Variants in GPC5 observed in about 807,000 individuals in gnomAD.
The protein encoded by GPC5 is glypican 5, also known as glypican-5.
GPC5 carries 47 observed loss-of-function variants against 53.9 expected under a neutral mutation model. The observed-to-expected ratio is 0.87, with a 90% CI of 0.69 to 1.11. The LOEUF (loss-of-function observed/expected upper bound fraction) is 1.11. Ranked by LOEUF, GPC5 falls within the 50% of genes most tolerant of loss-of-function variation. The probability of loss-of-function intolerance (pLI) is 0.00; values close to 1 mark genes in which losing one functional copy is unlikely to be tolerated. For synonymous variants in GPC5, 286 were observed against 263.3 expected (o/e 1.09, Z -0.84); for missense variants, 748 against 713.1 (o/e 1.05, Z -0.56).
At chr13:92,691,425 C>G (rs573314077) in intron 7 of GPC5, among the ~76,000 whole-genome samples, 1 of 145,784 alleles carries the variant, frequency 6.9e-6, no homozygotes, top group African/African-American at 2.6e-5. Flanking sequence ...TGCTTCGGCT[C>G]GCGCACGGTG....
intron 5 of GPC5, among the ~76,000 whole-genome samples, chr13:91,756,621 C>A (rs2037299007): frequency 6.6e-6 from 1 of 151,394 alleles, no homozygotes; most frequent in African/African-American, 2.4e-5. Context: ...TAATAGCATT[C>A]TGTGGTATTT....
chr13:92,066,433 G>GAA (rs773012733), intron 6 of GPC5, among the ~76,000 whole-genome samples: 6 of 116,528 alleles, frequency 5.1e-5, no homozygotes, highest in Admixed American at 1.8e-4. Flanking sequence ...GAACAAACCT[G>GAA]AAAAAAAAAA....
In GPC5 at chr13:92,146,987, A is replaced by G. The variant is rs567137325; in HGVS notation, c.1561+1998A>G. On this transcript the variant is annotated intron_variant, in intron 7 of 7. Transcript: ENST00000377067. ...TTGAAAGTGGAATAACTCTTAGGGCATAATGGATATAAATTGTATATTGAT... is the reference window on the plus strand; with the variant it reads ...TTGAAAGTGGAATAACTCTTAGGGCGTAATGGATATAAATTGTATATTGAT... Among the ~76,000 whole-genome samples the G allele has an allele frequency of 3.9e-5, 6 of 152,228 alleles. No individual in the cohort carries two copies. In the South Asian group the frequency reaches 1.2e-3, roughly 32 times the overall value.
chr13:91,956,268 T>C (rs944101162), intron 6 of GPC5, among the ~76,000 whole-genome samples: 4 of 150,022 alleles, frequency 2.7e-5, no homozygotes, highest in African/African-American at 9.9e-5. Context: ...GAGCAGGAGG[T>C]TGGGCCCACC....
At chr13:92,222,189 G>A (rs1394443693) in intron 7 of GPC5, among the ~76,000 whole-genome samples, 1 of 152,100 alleles carries the variant, frequency 6.6e-6, no homozygotes, top group African/African-American at 2.4e-5. Flanking sequence ...GTCACAGGGT[G>A]ACAAAAGCCC....
chr13:92,781,193 A>G (rs1876013306), intron 7 of GPC5, among the ~76,000 whole-genome samples: 1 of 152,104 alleles, frequency 6.6e-6, no homozygotes, highest in Non-Finnish European at 1.5e-5. Flanking sequence ...AACATTAGGA[A>G]ATTTAAATAT....
At chr13:92,673,000 T>C (rs1886801664) in intron 7 of GPC5, among the ~76,000 whole-genome samples, 1 of 152,130 alleles carries the variant, frequency 6.6e-6, no homozygotes, top group Admixed American at 6.6e-5. Flanking sequence ...AGTTTACCTG[T>C]GTAACACACC....
chr13:92,080,724 C>G (rs1266916484), intron 6 of GPC5, among the ~76,000 whole-genome samples: 3 of 152,176 alleles, frequency 2.0e-5, no homozygotes, highest in African/African-American at 7.2e-5. Flanking sequence ...CATGGATGCT[C>G]TCTTGCTAAA....
At chr13:91,907,823 A>G (rs2039570553) in intron 5 of GPC5, 114 bp from the exon 6 acceptor site, 1 of 991,536 alleles carries the variant, frequency 1.0e-6, no homozygotes, top group South Asian at 1.5e-5. Context: ...AGAGAAAAAT[A>G]CATTGGTGTA....
At chr13:91,950,612 C>G (rs1594682791) in intron 6 of GPC5, among the ~76,000 whole-genome samples, 2 of 151,996 alleles carry the variant, frequency 1.3e-5, no homozygotes, top group Admixed American at 6.6e-5. Flanking sequence ...ATAAAAATAC[C>G]AAATTCCTGT....
rs371653471 is a variant in GPC5 at position 91,629,517 on chromosome 13, C to G, written c.326-63670C>G. 4.6e-5 allele frequency among the ~76,000 whole-genome samples: 7 copies of G among 152,104 alleles called. No individual in the cohort carries two copies. The South Asian group carries it at 1.0e-3, about 23-fold the overall frequency. On this transcript the variant is annotated intron_variant, in intron 2 of 7. Coordinates refer to ENST00000377067, the MANE Select transcript of GPC5 (RefSeq NM_004466.6). ...AATTTGCTGGGCGTGGTGGCACACA[C>G]CTGTAATCCAAGGTACTTGGGAGGC...
intron 7 of GPC5, among the ~76,000 whole-genome samples, chr13:92,758,316 ACT>A (rs1265790846): frequency 3.9e-5 from 5 of 126,616 alleles, no homozygotes; most frequent in Non-Finnish European, 6.3e-5. Context: ...GGAACATCAC[ACT>A]CTGGGGACTG....
chr13:92,380,925 G>GA (rs200563036), intron 7 of GPC5, among the ~76,000 whole-genome samples: 280 of 147,860 alleles, frequency 1.9e-3, no homozygotes, highest in South Asian at 4.5e-3. Context: ...AGAAAAAAAA[G>GA]AAAAAAAAAA....
chr13:92,038,470 C>T (rs945062602), intron 6 of GPC5, among the ~76,000 whole-genome samples: 7 of 150,886 alleles, frequency 4.6e-5, no homozygotes, highest in Non-Finnish European at 7.4e-5. Flanking sequence ...AGATCATGCT[C>T]ATAAACTCCA....
In GPC5 at chr13:91,747,264, A is replaced by G. The variant is rs540800927; in HGVS notation, c.1155-9031A>G. On this transcript the variant is annotated intron_variant, in intron 4 of 7. Transcript: ENST00000377067. The stretch of plus-strand genomic sequence containing the variant: ...TTTGTCAACAGATTCAGAAACAACT[A>G]CTTCAGGGTGGGTTGCATTCCCCTT... Among the ~76,000 whole-genome samples the G allele has an allele frequency of 5.9e-5, 9 of 152,306 alleles. No homozygotes were observed. In the East Asian group the frequency reaches 1.7e-3, roughly 29 times the overall value.
At chr13:91,707,093 T>C (rs1481771673) in intron 3 of GPC5, among the ~76,000 whole-genome samples, 1 of 152,084 alleles carries the variant, frequency 6.6e-6, no homozygotes, top group Non-Finnish European at 1.5e-5. Flanking sequence ...TATGACATGG[T>C]CTAAGTTAAT....
intron 5 of GPC5, among the ~76,000 whole-genome samples, chr13:91,816,869 T>C (rs1180076775): frequency 6.6e-6 from 1 of 152,124 alleles, no homozygotes; most frequent in Non-Finnish European, 1.5e-5. Flanking sequence ...AGTGTGGACT[T>C]GGTAAATTGA....
chr13:92,613,378 TATTATA>T (rs1884522922), intron 7 of GPC5, among the ~76,000 whole-genome samples: 4 of 72,330 alleles, frequency 5.5e-5, no homozygotes, highest in Non-Finnish European at 9.7e-5. Context: ...TATATAAATA[TATTATA>T]TTATATATAA....
chr13:91,828,825 G>C (rs1442393292), intron 5 of GPC5, among the ~76,000 whole-genome samples: 1 of 151,922 alleles, frequency 6.6e-6, no homozygotes, highest in East Asian at 1.9e-4. Context: ...GAAAAGGGAA[G>C]CTCTTCCTTG....
Sources: gnomAD v4.1 joint callset for allele counts (sites outside exome capture counted in the v4.1 genomes callset) on GRCh38, gnomAD v4.1.1 for gene constraint, MANE v1.5 for transcripts, NCBI Gene and HGNC (gene_info 2026-07-23, HGNC 2026-07-21) for gene names.